Variants in CNTN3 observed in about 807,000 individuals in gnomAD.
The protein encoded by CNTN3 is contactin 3.
Under a neutral mutation model 119.1 loss-of-function variants are expected in CNTN3, and 60 were observed. The observed-to-expected ratio is 0.50, with a 90% CI of 0.41 to 0.62. The LOEUF (loss-of-function observed/expected upper bound fraction) is 0.62. Ranked by LOEUF, CNTN3 falls within the 20% of genes least tolerant of loss-of-function variation. CNTN3 has a pLI of 0.00. For missense variants in CNTN3, 1,101 were observed against 1,242.4 expected (o/e 0.89, Z 1.71); for synonymous variants, 450 against 438.7 (o/e 1.03, Z -0.32).
intron 1 of CNTN3, among the ~76,000 whole-genome samples, chr3:74,612,698 G>A (rs1705102670): frequency 6.6e-6 from 1 of 152,090 alleles, no homozygotes; most frequent in South Asian, 2.1e-4. Context: ...ATATTTCCCT[G>A]GTGGATACTG....
chr3:74,360,345 C>T (rs1265818666), intron 11 of CNTN3, among the ~76,000 whole-genome samples: 1 of 152,054 alleles, frequency 6.6e-6, no homozygotes, highest in Non-Finnish European at 1.5e-5. Flanking sequence ...TTCTGGGCTC[C>T]CTGTACAAAA....
At chr3:74,374,305 A>C (rs1225915686) in intron 5 of CNTN3, among the ~76,000 whole-genome samples, 1 of 150,798 alleles carries the variant, frequency 6.6e-6, no homozygotes, top group African/African-American at 2.4e-5. Context: ...TAATAAAAAA[A>C]CTTCTCCAGT....
At chr3:74,582,469 C>T (rs1704527904) in intron 1 of CNTN3, among the ~76,000 whole-genome samples, 2 of 151,882 alleles carry the variant, frequency 1.3e-5, no homozygotes, top group Non-Finnish European at 2.9e-5. Flanking sequence ...ATTAGCAGTA[C>T]ACTTTTATGA....
chr3:74,583,827 T>C (rs931331617), intron 1 of CNTN3, among the ~76,000 whole-genome samples: 1 of 152,162 alleles, frequency 6.6e-6, no homozygotes, highest in Non-Finnish European at 1.5e-5. Flanking sequence ...TTTCCATTTT[T>C]CCCCCTCATT....
In CNTN3 at chr3:74,290,744, T is replaced by G. The variant is rs968322496; in HGVS notation, c.2517+4377A>C. ...TCTCGCTGTGTTGCCCAGGCTGGAG[T>G]GCAGTGGCGTGATCTCGGCTCACTG... is the stretch of plus-strand genomic sequence containing the variant. On this transcript the variant is annotated intron_variant, in intron 19 of 22. Transcript: ENST00000263665. Among the ~76,000 whole-genome samples the G allele has an allele frequency of 1.5e-4, 23 of 152,088 alleles. No individual in the cohort carries two copies. The East Asian group carries it at 4.2e-3, about 28-fold the overall frequency.
chr3:74,358,596 GATTTATTTATTT>G (rs71625970), intron 11 of CNTN3, among the ~76,000 whole-genome samples: 1 of 137,568 alleles, frequency 7.3e-6, no homozygotes, highest in Admixed American at 7.3e-5. Flanking sequence ...TTTTTTTTTT[GATTTATTTATTT>G]ATTTATTTAT....
intron 5 of CNTN3, among the ~76,000 whole-genome samples, chr3:74,379,031 A>C (rs935598167): frequency 3.9e-5 from 6 of 152,220 alleles, no homozygotes; most frequent in Non-Finnish European, 7.3e-5. Flanking sequence ...TCCAAGAGAC[A>C]ACAGTTTCCT....
intron 1 of CNTN3, among the ~76,000 whole-genome samples, chr3:74,556,197 A>G (rs767569351): frequency 3.9e-5 from 6 of 152,172 alleles, no homozygotes; most frequent in Non-Finnish European, 4.4e-5. Context: ...GAATACTTCA[A>G]TGGTTTATAG....
chr3:74,607,316 C>T (rs754546722), intron 1 of CNTN3, among the ~76,000 whole-genome samples: 9 of 152,142 alleles, frequency 5.9e-5, no homozygotes, highest in Non-Finnish European at 1.0e-4. Flanking sequence ...GAGTAGCAGG[C>T]ATCAGATTAG....
At chr3:74,304,883 C>G (rs1702527940) in intron 13 of CNTN3, among the ~76,000 whole-genome samples, 1 of 152,058 alleles carries the variant, frequency 6.6e-6, no homozygotes, top group African/African-American at 2.4e-5. Context: ...AAAAGGAGAA[C>G]ACAATTTGAC....
chr3:74,471,823 T>C (rs967720980), intron 4 of CNTN3, among the ~76,000 whole-genome samples: 2 of 152,212 alleles, frequency 1.3e-5, no homozygotes, highest in Non-Finnish European at 2.9e-5. Flanking sequence ...CCTTTATAGT[T>C]ATCTGTCCCA....
intron 1 of CNTN3, among the ~76,000 whole-genome samples, chr3:74,594,398 TC>T (rs1412020256): frequency 6.6e-6 from 1 of 151,298 alleles, no homozygotes; most frequent in Non-Finnish European, 1.5e-5. Context: ...ACCCATTAAC[TC>T]ATCATTTAGC....
At chr3:74,536,434 T>C (rs115674990) in intron 1 of CNTN3, among the ~76,000 whole-genome samples, 118 of 152,216 alleles carry the variant, frequency 7.8e-4, no homozygotes, top group African/African-American at 2.8e-3. Flanking sequence ...GTTGACACAT[T>C]TCAGATCACA....
At chr3:74,609,604 G>A (rs531458096) in intron 1 of CNTN3, among the ~76,000 whole-genome samples, 36 of 152,262 alleles carry the variant, frequency 2.4e-4, no homozygotes, top group African/African-American at 8.2e-4. Context: ...GAAGTAGCAG[G>A]TGTCCAAGAG....
chr3:74,508,772 T>C (rs539767338), intron 2 of CNTN3, among the ~76,000 whole-genome samples: 1 of 152,314 alleles, frequency 6.6e-6, no homozygotes, highest in Admixed American at 6.5e-5. Flanking sequence ...CAATGGGTTC[T>C]TATCCCCAAT....
At chr3:74,541,258 G>C (rs1480595075) in intron 1 of CNTN3, among the ~76,000 whole-genome samples, 1 of 152,132 alleles carries the variant, frequency 6.6e-6, no homozygotes, top group African/African-American at 2.4e-5. Flanking sequence ...CCATATGAGA[G>C]AAACTCTTGC....
At chr3:74,339,011 A>G (rs560410326) in intron 11 of CNTN3, among the ~76,000 whole-genome samples, 1 of 152,306 alleles carries the variant, frequency 6.6e-6, no homozygotes, top group South Asian at 2.1e-4. Flanking sequence ...TAACTTAAAA[A>G]AATCTCTTTA....
intron 19 of CNTN3, among the ~76,000 whole-genome samples, chr3:74,290,662 A>G (rs1702210206): frequency 6.6e-6 from 1 of 152,170 alleles, no homozygotes; most frequent in Non-Finnish European, 1.5e-5. Context: ...TCAGTCTCTC[A>G]TCTGAGGACT....
chr3:74,270,413 TGGAGACAGAATG>T (rs953436314), intron 20 of CNTN3, among the ~76,000 whole-genome samples: 5 of 152,002 alleles, frequency 3.3e-5, no homozygotes, highest in Admixed American at 3.3e-4. Context: ...GGTTCAGGAG[TGGAGACAGAATG>T]GGAGACAGAA....
Sources: allele counts gnomAD v4.1 joint callset (sites outside exome capture counted in the v4.1 genomes callset), GRCh38; gene constraint gnomAD v4.1.1; transcripts MANE v1.5; gene names NCBI Gene and HGNC (gene_info 2026-07-23, HGNC 2026-07-21).